The following RBFOX1 variants were observed in gnomAD, a reference collection of about 807,000 sequenced individuals.
The protein encoded by RBFOX1 is RNA binding fox-1 homolog 1, also known as RNA binding protein fox-1 homolog 1.
In RBFOX1, 8 loss-of-function variants were observed where a neutral mutation model predicts 57.7. That is an observed-to-expected ratio of 0.14 (90% CI 0.08 to 0.25). The LOEUF (loss-of-function observed/expected upper bound fraction) is 0.25. Ranked by LOEUF, RBFOX1 falls within the 10% of genes least tolerant of loss-of-function variation. RBFOX1 has a pLI of 1.00. For synonymous variants in RBFOX1, 326 were observed against 222.4 expected (o/e 1.47, Z -4.15); for missense variants, 611 against 548.5 (o/e 1.11, Z -1.14).
intron 1 of RBFOX1, among the ~76,000 whole-genome samples, chr16:6,021,566 T>C (rs984333408): frequency 6.6e-6 from 1 of 152,200 alleles, no homozygotes; most frequent in Non-Finnish European, 1.5e-5. Flanking sequence ...TTTGAGCTCG[T>C]CAGGGAGGCC....
chr16:7,359,567 C>G (rs1167484104), intron 4 of RBFOX1, among the ~76,000 whole-genome samples: 1 of 152,224 alleles, frequency 6.6e-6, no homozygotes, highest in Non-Finnish European at 1.5e-5. Context: ...AAGTACCCAT[C>G]CTTGTGTCCG....
intron 4 of RBFOX1, among the ~76,000 whole-genome samples, chr16:5,972,415 A>T (rs2059980342): frequency 6.6e-6 from 1 of 152,202 alleles, no homozygotes; most frequent in South Asian, 2.1e-4. Context: ...TCTGTTTTGA[A>T]AGAAACCTCT....
At position 5,657,732 on chromosome 16, in the gene RBFOX1, C is replaced by CTTTTTTTTTTTTTTTTTTTT. The variant is rs71386513; in HGVS notation, c.318+58775_318+58776insTTTTTTTTTTTTTTTTTTTT. 2.0e-5 allele frequency among the ~76,000 whole-genome samples: 2 copies of CTTTTTTTTTTTTTTTTTTTT among 98,352 alleles called. 1 individual carries two copies. 64.5% of individuals were successfully genotyped at this position (98,352 alleles called of 152,430 possible). On this transcript the variant is annotated intron_variant, in intron 3 of 19. Transcript: ENST00000641259. ...TTTCTCTCTTTCTTTTGTTTCTTTT[C>CTTTTTTTTTTTTTTTTTTTT]TTTTCTTTTTTTTTTTTTGAGACAG...
chr16:5,948,815 T>C (rs2059457733), intron 4 of RBFOX1, among the ~76,000 whole-genome samples: 1 of 152,146 alleles, frequency 6.6e-6, no homozygotes, highest in African/African-American at 2.4e-5. Flanking sequence ...TTGTGTTACT[T>C]TCTTACGGCA....
At chr16:6,879,969 C>T (rs555527476) in intron 3 of RBFOX1, among the ~76,000 whole-genome samples, 7 of 152,080 alleles carry the variant, frequency 4.6e-5, no homozygotes, top group Non-Finnish European at 1.0e-4. Context: ...GGCATTTCTA[C>T]TTCTTTATTT....
intron 3 of RBFOX1, among the ~76,000 whole-genome samples, chr16:6,851,050 A>G (rs562880516): frequency 6.6e-6 from 1 of 152,214 alleles, no homozygotes; most frequent in African/African-American, 2.4e-5. Flanking sequence ...AAAAAAGAAC[A>G]AATTATTGAT....
intron 3 of RBFOX1, among the ~76,000 whole-genome samples, chr16:6,779,167 C>A (rs1291960865): frequency 3.9e-5 from 6 of 152,040 alleles, no homozygotes; most frequent in Admixed American, 3.9e-4. Flanking sequence ...CTCCCCCTTG[C>A]TCTCAACTCC....
At chr16:5,379,944 TG>T (rs2066088036) in intron 1 of RBFOX1, among the ~76,000 whole-genome samples, 1 of 152,192 alleles carries the variant, frequency 6.6e-6, no homozygotes, top group East Asian at 1.9e-4. Flanking sequence ...CTTGGGGCGT[TG>T]GAGGAATCAT....
At chr16:6,884,693 T>A (rs761065371) in intron 3 of RBFOX1, among the ~76,000 whole-genome samples, 7 of 151,738 alleles carry the variant, frequency 4.6e-5, no homozygotes, top group Non-Finnish European at 7.4e-5. Context: ...AGGCCAGGGG[T>A]TCCAGACCAG....
intron 3 of RBFOX1, among the ~76,000 whole-genome samples, chr16:5,646,771 A>G (rs1304097389): frequency 6.6e-6 from 1 of 152,062 alleles, no homozygotes; most frequent in Non-Finnish European, 1.5e-5. Context: ...AGTAGCTGGG[A>G]CTACAGGCGC....
At chr16:6,511,789 A>G (rs1022444082) in intron 2 of RBFOX1, among the ~76,000 whole-genome samples, 2 of 152,246 alleles carry the variant, frequency 1.3e-5, no homozygotes, top group Non-Finnish European at 2.9e-5. Context: ...TTCAAATTCT[A>G]CTAGTGGCTT....
intron 3 of RBFOX1, among the ~76,000 whole-genome samples, chr16:6,931,321 C>A (rs1227925267): frequency 1.6e-5 from 2 of 127,770 alleles, no homozygotes; most frequent in Non-Finnish European, 3.2e-5. Flanking sequence ...ATCTATCTAT[C>A]TATCTATCTA....
chr16:7,514,856 A>AGCTTGCTC (rs2076004951), intron 4 of RBFOX1, among the ~76,000 whole-genome samples: 1 of 152,318 alleles, frequency 6.6e-6, no homozygotes, highest in Admixed American at 6.5e-5. Context: ...ACTTTTCCTG[A>AGCTTGCTC]GCTTGCTCTG....
chr16:7,650,253 T>C (rs1439363427), intron 11 of RBFOX1, among the ~76,000 whole-genome samples: 2 of 151,408 alleles, frequency 1.3e-5, no homozygotes, highest in African/African-American at 4.9e-5. Context: ...CCAGGACACT[T>C]GAATCCTCCA....
intron 4 of RBFOX1, among the ~76,000 whole-genome samples, chr16:7,382,464 A>G (rs1172284035): frequency 6.6e-6 from 1 of 152,218 alleles, no homozygotes; most frequent in Non-Finnish European, 1.5e-5. Context: ...AATTAAATGA[A>G]AGTACTTGGT....
At chr16:5,965,099 A>C (rs1011715421) in intron 4 of RBFOX1, among the ~76,000 whole-genome samples, 1 of 152,160 alleles carries the variant, frequency 6.6e-6, no homozygotes, top group African/African-American at 2.4e-5. Flanking sequence ...ACCCATAGAA[A>C]CAGAGGGTAA....
At chr16:7,314,265 G>T (rs375011428) in intron 4 of RBFOX1, among the ~76,000 whole-genome samples, 1 of 152,128 alleles carries the variant, frequency 6.6e-6, no homozygotes, top group Non-Finnish European at 1.5e-5. Flanking sequence ...GCCCGGCACC[G>T]TATTAATGAT....
At position 5,946,985 on chromosome 16, in the gene RBFOX1, G is replaced by C. The variant is rs1367258346; in HGVS notation, c.351+79650G>C. ...CTAGCACTTAGGGAGGCAGAAGTAG[G>C]AGGATTGCTTGAGGCCAGGAGTTTG... On this transcript the variant is annotated intron_variant, in intron 4 of 19. Transcript: ENST00000641259. This position sits in a 1 kb window ranked among gnomAD's most constrained non-coding sequence, Gnocchi z 4.6. Among the ~76,000 whole-genome samples the C allele has an allele frequency of 6.6e-6, 1 of 152,202 alleles. No homozygotes were observed. The highest frequency in any genetic ancestry group is 1.5e-5 in the Non-Finnish European group (1 of 68,026).
chr16:5,700,881 A>C (rs530641768), intron 3 of RBFOX1, among the ~76,000 whole-genome samples: 1 of 152,132 alleles, frequency 6.6e-6, no homozygotes, highest in Admixed American at 6.5e-5. Flanking sequence ...TCACATGTCC[A>C]CTCCAGGAGC....
Sources: allele counts gnomAD v4.1 joint callset (sites outside exome capture counted in the v4.1 genomes callset), GRCh38; gene constraint gnomAD v4.1.1; non-coding constraint Gnocchi (gnomAD v3.1); transcripts MANE v1.5; gene names NCBI Gene and HGNC (gene_info 2026-07-23, HGNC 2026-07-21).